HSPA4: variants seen among roughly 807,000 people sequenced by gnomAD.
HSPA4 encodes the protein heat shock 70 kDa protein 4.
HSPA4 carries 25 observed loss-of-function variants against 106.2 expected under a neutral mutation model. That is an observed-to-expected ratio of 0.24 (90% CI 0.17 to 0.33). HSPA4 has a LOEUF of 0.33. Ranked by LOEUF, HSPA4 falls within the 10% of genes least tolerant of loss-of-function variation. The pLI, the probability that HSPA4 is intolerant of heterozygous loss-of-function variation, is 1.00. For synonymous variants in HSPA4, 332 were observed against 333.6 expected (o/e 1.00, Z 0.05); for missense variants, 841 against 996.0 (o/e 0.84, Z 2.10).
chr5:133,055,540 T>C (rs1474295021), intron 1 of HSPA4, among the ~76,000 whole-genome samples: 5 of 152,112 alleles, frequency 3.3e-5, no homozygotes, highest in Non-Finnish European at 7.4e-5. Context: ...AAGAGACCCT[T>C]GATTTTCCAC....
Position 133,086,807 on chromosome 5 carries a change from G to A in HSPA4, c.934G>A (p.Asp312Asn). The stretch of plus-strand genomic sequence containing the variant: ...AGGCAAATTTCTGGAGATGTGCAAT[G>A]ATCTCTTAGCTAGAGTGGAGCCACC... ...NRGKFLEMCN[D>N]LLARVEPPLR... is the part of the protein sequence containing the mutation. Residue 312 changes from aspartate to asparagine, a missense_variant, in exon 8 of 19, where the codon GAT (aspartate) becomes AAT (asparagine). Around this residue, in one of 5 missense-constraint regions of HSPA4, gnomAD observed 347 missense variants for 408.7 expected, o/e 0.85. Coordinates refer to ENST00000304858, the MANE Select transcript of HSPA4 (RefSeq NM_002154.4). 1 of 1,613,638 alleles carries A rather than the reference G, an allele frequency of 6.2e-7. No homozygotes were observed.
chr5:133,061,521 A>G (rs1765242555), intron 1 of HSPA4, among the ~76,000 whole-genome samples: 1 of 152,186 alleles, frequency 6.6e-6, no homozygotes, highest in African/African-American at 2.4e-5. Context: ...TTGTTTTAGC[A>G]AGGGAAATAA....
chr5:133,058,451 G>T (rs1260520946), intron 1 of HSPA4, among the ~76,000 whole-genome samples: 1 of 152,200 alleles, frequency 6.6e-6, no homozygotes, highest in East Asian at 1.9e-4. Context: ...GCTGAGGTGG[G>T]CGGGTCGCCT....
chr5:133,101,192 T>C (rs1652109750), intron 16 of HSPA4, among the ~76,000 whole-genome samples: 1 of 152,228 alleles, frequency 6.6e-6, no homozygotes, highest in South Asian at 2.1e-4. Flanking sequence ...AGTATCCGTA[T>C]AGGGCTCATA....
At chr5:133,069,646 C>G (rs1375642069) in intron 3 of HSPA4, among the ~76,000 whole-genome samples, 4 of 152,160 alleles carry the variant, frequency 2.6e-5, no homozygotes, top group Non-Finnish European at 2.9e-5. Flanking sequence ...AATGCATGTC[C>G]TCATATTAGA....
At chr5:133,077,943 T>G (rs1160202283) in intron 7 of HSPA4, among the ~76,000 whole-genome samples, 1 of 152,160 alleles carries the variant, frequency 6.6e-6, no homozygotes, top group African/African-American at 2.4e-5. Flanking sequence ...TTTAAGAAAT[T>G]GTTAGTGAAA....
rs1476844938 is a variant in HSPA4, at chr5:133,092,751, A to C, written c.1612A>C (p.Thr538Pro). ...ACATGTTGAAGAGCAACAGCAGCAG[A>C]CACCAGCAGAAAATAAGGCAGAGTC... ...EPHVEEQQQQTPAENKAESEE... is the reference protein window; with the variant it reads ...EPHVEEQQQQPPAENKAESEE... Residue 538 changes from threonine (T) to proline (P), a missense_variant, in exon 13 of 19, where the codon ACA becomes CCA. Thr to Pro is a conservative substitution (Grantham distance 38). Coordinates refer to ENST00000304858, the MANE Select transcript of HSPA4 (RefSeq NM_002154.4). 6.2e-7 allele frequency: 1 copy of C among 1,611,568 alleles called. No homozygotes were observed. The highest frequency in any genetic ancestry group is 2.2e-5 in the East Asian group (1 of 44,706).
At chr5:133,086,749 A>C in intron 7 of HSPA4, 33 bp from the exon 8 acceptor site, 1 of 1,454,458 alleles carries the variant, frequency 6.9e-7, no homozygotes, top group Non-Finnish European at 9.6e-7. Context: ...GATTTAATGT[A>C]CTGTGTTTTT....
Position 133,104,992 on chromosome 5 carries a change from C to G in HSPA4, c.*556C>G, listed in dbSNP as rs1339094157. On this transcript the variant is annotated 3_prime_UTR_variant, in exon 19 of 19. Transcript: ENST00000304858. Reference sequence around the variant, plus strand: ...CACCCTCACCTGTGTTCTCTTCCCTCTCTCCCAATAAAAGGGCTCCCATTA... The same window carrying G: ...CACCCTCACCTGTGTTCTCTTCCCTGTCTCCCAATAAAAGGGCTCCCATTA... 1.3e-5 allele frequency: 2 copies of G among 152,638 alleles called. No homozygotes were observed. Among genetic ancestry groups the G allele is most frequent in the Non-Finnish European group, 2.9e-5 (2 of 68,418 alleles). 9.5% of individuals were successfully genotyped at this position (152,638 alleles called of 1,614,324 possible).
chr5:133,099,720 T>C (rs963529470), intron 16 of HSPA4, 68 bp downstream of exon 16: 9 of 726,302 alleles, frequency 1.2e-5, no homozygotes, highest in Non-Finnish European at 1.9e-5. Context: ...AGCTCAAATT[T>C]GGGAGGAATT....
chr5:133,102,932 AG>A (rs1765806833), intron 17 of HSPA4, among the ~76,000 whole-genome samples: 1 of 31,802 alleles, frequency 3.1e-5, no homozygotes, highest in Non-Finnish European at 6.1e-5. Context: ...TTTTTTTTTG[AG>A]ATGGCATTTC....
At chr5:133,065,349 A>T (rs1447542879) in intron 2 of HSPA4, among the ~76,000 whole-genome samples, 3 of 152,248 alleles carry the variant, frequency 2.0e-5, no homozygotes, top group Admixed American at 2.0e-4. Flanking sequence ...ATTAGGTGTT[A>T]TAAGTAATCT....
intron 1 of HSPA4, among the ~76,000 whole-genome samples, chr5:133,054,036 TAGATTGTTCAGA>T (rs1269014751): frequency 6.7e-6 from 1 of 150,002 alleles, no homozygotes; most frequent in African/African-American, 2.4e-5. Flanking sequence ...TCAGCGAAAC[TAGATTGTTCAGA>T]AGTCTCACAT....
At chr5:133,097,024 C>T in intron 14 of HSPA4, 137 bp from the exon 15 acceptor site, 2 of 557,040 alleles carry the variant, frequency 3.6e-6, no homozygotes, top group Non-Finnish European at 6.1e-6. Flanking sequence ...ATTAGTCTTC[C>T]CACTTACCTT....
chr5:133,074,119 A>G lies in HSPA4; in HGVS notation c.656A>G (p.Lys219Arg). The G allele has an allele frequency of 6.3e-7, 1 of 1,585,488 alleles. No individual in the cohort carries two copies. Among genetic ancestry groups the G allele is most frequent in the Non-Finnish European group, 8.6e-7 (1 of 1,169,326 alleles). Reference sequence around the variant, plus strand: ...TCTGTATGTGCATTTAATAGAGGAAAACTGAAAGTAAGTATATATTTTTTT... The same window carrying G: ...TCTGTATGTGCATTTAATAGAGGAAGACTGAAAGTAAGTATATATTTTTTT... ...QVSVCAFNRG[K>R]LKVLATAFDT... Residue 219 changes from lysine to arginine, a missense_variant, in exon 6 of 19, where the codon AAA becomes AGA. This residue lies in a region of HSPA4 where 347 missense variants were observed against 408.7 expected (regional missense o/e 0.85). Coordinates refer to ENST00000304858, the MANE Select transcript of HSPA4 (RefSeq NM_002154.4).
intron 7 of HSPA4, among the ~76,000 whole-genome samples, chr5:133,084,714 C>T (rs1464906974): frequency 6.6e-6 from 1 of 152,146 alleles, no homozygotes; most frequent in Non-Finnish European, 1.5e-5. Flanking sequence ...AGGTGATCCA[C>T]CCGCCTCAGC....
chr5:133,052,458 CCTCCG>C (rs1226477765), intron 1 of HSPA4, 101 bp downstream of exon 1: 67 of 811,138 alleles, frequency 8.3e-5, no homozygotes, highest in Non-Finnish European at 1.1e-4. Flanking sequence ...CGAGGAGTCG[CCTCCG>C]TTCCGAGCCG....
chr5:133,094,471 A>G (rs1479647405), intron 13 of HSPA4, among the ~76,000 whole-genome samples: 2 of 152,216 alleles, frequency 1.3e-5, no homozygotes, highest in Admixed American at 1.3e-4. Flanking sequence ...AGGAAAATGG[A>G]CAGGAAATGG....
chr5:133,074,101 G>A lies in HSPA4; in HGVS notation c.638G>A (p.Cys213Tyr), dbSNP rs1311643695. 2.5e-6 allele frequency: 4 copies of A among 1,601,454 alleles called. No individual in the cohort carries two copies. The highest frequency in any genetic ancestry group is 1.3e-5 in the African/African-American group (1 of 74,364). Residue 213 changes from cysteine to tyrosine, a missense_variant, in exon 6 of 19, where the codon TGT (cysteine) becomes TAT (tyrosine). Around this residue, in one of 5 missense-constraint regions of HSPA4, gnomAD observed 347 missense variants for 408.7 expected, o/e 0.85. Transcript: ENST00000304858. ...CACTCTGCTTATCAAGTTTCTGTAT[G>A]TGCATTTAATAGAGGAAAACTGAAA... ...MGHSAYQVSV[C>Y]AFNRGKLKVL...
Sources: gnomAD v4.1 joint callset for allele counts (sites outside exome capture counted in the v4.1 genomes callset) on GRCh38, gnomAD v4.1.1 for gene constraint, gnomAD v4.1.1 regional missense constraint, MANE v1.5 for transcripts, NCBI Gene and HGNC (gene_info 2026-07-23, HGNC 2026-07-21) for gene names.